SLCO3A1: variants seen among roughly 807,000 people sequenced by gnomAD.
The protein encoded by SLCO3A1 is PGE1 transporter.
In SLCO3A1, 27 loss-of-function variants were observed where a neutral mutation model predicts 63.1. The observed-to-expected ratio is 0.43, with a 90% confidence interval of 0.32 to 0.59. The LOEUF (loss-of-function observed/expected upper bound fraction) is 0.59. SLCO3A1 is among the 20% of genes least tolerant of loss of function. The pLI, the probability that SLCO3A1 is intolerant of heterozygous loss-of-function variation, is 0.09. For synonymous variants in SLCO3A1, 473 were observed against 409.9 expected (o/e 1.15, Z -1.86); for missense variants, 773 against 945.8 (o/e 0.82, Z 2.40).
intron 2 of SLCO3A1, among the ~76,000 whole-genome samples, chr15:91,955,885 T>G (rs1164444998): frequency 6.6e-6 from 1 of 152,192 alleles, no homozygotes; most frequent in East Asian, 1.9e-4. Flanking sequence ...GGCAGAGGTG[T>G]GAGTTCATAA....
chr15:92,163,431 G>A lies in SLCO3A1; in HGVS notation c.*296G>A. 9.4e-7 allele frequency: 1 copy of A among 1,067,754 alleles called. No individual in the cohort carries two copies. The highest frequency in any genetic ancestry group is 1.1e-6 in the Non-Finnish European group (1 of 884,394). 66.1% of individuals were successfully genotyped at this position (1,067,754 alleles called of 1,614,324 possible). A position where few individuals can be genotyped will look rare whatever the true frequency, so the allele number is the denominator to read the frequency against. On this transcript the variant is annotated 3_prime_UTR_variant, in exon 10 of 10. Coordinates refer to ENST00000318445, the MANE Select transcript of SLCO3A1 (RefSeq NM_013272.4). ...GTTTTCAGGATGCTGACAGCTGCAA[G>A]CAACAGGCACTGCCAAATTCAGGGA...
At chr15:91,959,940 C>T (rs1040492611) in intron 2 of SLCO3A1, among the ~76,000 whole-genome samples, 7 of 152,002 alleles carry the variant, frequency 4.6e-5, no homozygotes, top group Non-Finnish European at 8.8e-5. Context: ...ATTTGATTTG[C>T]CCATTCTTAA....
Position 92,135,039 on chromosome 15 carries a change from A to C in SLCO3A1, c.1512+6550A>C, listed in dbSNP as rs150109218. 9.6e-3 allele frequency among the ~76,000 whole-genome samples: 1,469 copies of C among 152,346 alleles called. 25 individuals carry two copies. The highest frequency in any genetic ancestry group is 0.033 in the African/African-American group (1,369 of 41,572). On this transcript the variant is annotated intron_variant, in intron 7 of 9. Coordinates refer to ENST00000318445, the MANE Select transcript of SLCO3A1 (RefSeq NM_013272.4). The stretch of plus-strand genomic sequence containing the variant: ...GAGACGTGGCAAGGGCCAGGCTTTC[A>C]TCATGAAGGGTAGTGGGTGTTTGGT...
At chr15:92,082,367 G>A (rs1363191454) in intron 2 of SLCO3A1, among the ~76,000 whole-genome samples, 2 of 152,182 alleles carry the variant, frequency 1.3e-5, no homozygotes, top group African/African-American at 2.4e-5. Flanking sequence ...AAGCCCTGAC[G>A]GAGGGTTTCA....
rs1241481735 is a variant in SLCO3A1, at chr15:92,069,207, G to A, written c.647-25674G>A. Among the ~76,000 whole-genome samples the A allele has an allele frequency of 2.6e-5, 4 of 151,704 alleles. No homozygotes were observed. The East Asian group carries it at 7.8e-4, about 30-fold the overall frequency. On this transcript the variant is annotated intron_variant, in intron 2 of 9. Transcript: ENST00000318445. The stretch of plus-strand genomic sequence containing the variant: ...GGTGCTACCAGGATCTAACAGGCAG[G>A]TGCCTGGGATGCTGCTGAACATCCT...
At chr15:91,880,166 C>CTATCTATCTATCT (rs1555446413) in intron 1 of SLCO3A1, among the ~76,000 whole-genome samples, 103 of 132,526 alleles carry the variant, frequency 7.8e-4, no homozygotes, top group Middle Eastern at 3.8e-3. Context: ...TCCATCCATC[C>CTATCTATCTATCT]ATCCATCTAT....
intron 2 of SLCO3A1, among the ~76,000 whole-genome samples, chr15:92,060,451 T>A (rs2047073153): frequency 6.6e-6 from 1 of 151,348 alleles, no homozygotes; most frequent in South Asian, 2.1e-4. Flanking sequence ...TCCCAGCTAC[T>A]CGGGAGGCTG....
chr15:91,922,196 G>GCGCACACACA (rs140542461), intron 2 of SLCO3A1, among the ~76,000 whole-genome samples: 6 of 151,438 alleles, frequency 4.0e-5, no homozygotes, highest in South Asian at 4.2e-4. Context: ...GCGCGTGCAC[G>GCGCACACACA]CACACACACA....
chr15:92,046,386 CGATGTGGCTG>C (rs1462194646), intron 2 of SLCO3A1, among the ~76,000 whole-genome samples: 1 of 151,716 alleles, frequency 6.6e-6, no homozygotes, highest in Non-Finnish European at 1.5e-5. Flanking sequence ...AATACCTGGG[CGATGTGGCTG>C]GCAGGCACCT....
chr15:91,868,071 G>A (rs1897208873), intron 1 of SLCO3A1, among the ~76,000 whole-genome samples: 1 of 151,860 alleles, frequency 6.6e-6, no homozygotes, highest in South Asian at 2.1e-4. Context: ...TTTTTTGAGG[G>A]GATGGAGTCT....
chr15:91,889,033 C>CAA lies in SLCO3A1; in HGVS notation c.181-26949_181-26948dup, dbSNP rs35188337. 1.8e-3 allele frequency: 895 copies of CAA among 509,216 alleles called. 6 individuals carry two copies. The highest frequency in any genetic ancestry group is 0.012 in the African/African-American group (524 of 44,018). The allele number at this position is 509,216 out of a possible 1,614,324, so 31.5% of individuals were successfully genotyped here. ...TAAAAAAAAAAAAGAAAAGAAAAACCAAAAAAAAAAAACCTACAATTATTA... is the reference window on the plus strand; with the variant it reads ...TAAAAAAAAAAAAGAAAAGAAAAACCAAAAAAAAAAAAAACCTACAATTATTA... On this transcript the variant is annotated intron_variant, in intron 1 of 9. Coordinates refer to ENST00000318445, the MANE Select transcript of SLCO3A1 (RefSeq NM_013272.4).
At chr15:92,108,788 C>T (rs1225617179) in intron 4 of SLCO3A1, among the ~76,000 whole-genome samples, 1 of 152,140 alleles carries the variant, frequency 6.6e-6, no homozygotes, top group Non-Finnish European at 1.5e-5. Flanking sequence ...CTTCAGTTCA[C>T]TTCTGGGCTG....
chr15:91,952,679 G>A (rs1900039364), intron 2 of SLCO3A1, among the ~76,000 whole-genome samples: 1 of 152,208 alleles, frequency 6.6e-6, no homozygotes, highest in Non-Finnish European at 1.5e-5. Flanking sequence ...TTCTGATGCA[G>A]TAAATATACT....
intron 9 of SLCO3A1, among the ~76,000 whole-genome samples, chr15:92,151,382 G>C (rs1463987668): frequency 3.3e-5 from 5 of 152,212 alleles, no homozygotes; most frequent in Admixed American, 1.3e-4. Context: ...AGCTGGGAGA[G>C]AGAGGCGTTC....
In SLCO3A1 at chr15:91,968,742, C is replaced by T. The variant is rs1228407345; in HGVS notation, c.646+52284C>T. 2.0e-5 allele frequency among the ~76,000 whole-genome samples: 3 copies of T among 152,222 alleles called. No individual in the cohort carries two copies. The highest frequency in any genetic ancestry group is 6.5e-5 in the Admixed American group (1 of 15,286). On this transcript the variant is annotated intron_variant, in intron 2 of 9. Transcript: ENST00000318445. This position sits in a 1 kb window ranked among gnomAD's most constrained non-coding sequence, Gnocchi z 4.2. The stretch of plus-strand genomic sequence containing the variant: ...TGTGCTCACACAGCCGCAGTATTTA[C>T]GGCACTCACGACGTGTCCAGCTTCT...
intron 3 of SLCO3A1, among the ~76,000 whole-genome samples, chr15:92,098,697 T>A (rs2047569126): frequency 7.9e-6 from 1 of 126,212 alleles, no homozygotes; most frequent in African/African-American, 3.0e-5. Context: ...GATCCTACTG[T>A]TAGGTGAGGC....
At chr15:92,094,529 G>A (rs548563558) in intron 2 of SLCO3A1, among the ~76,000 whole-genome samples, 3 of 152,188 alleles carry the variant, frequency 2.0e-5, no homozygotes, top group African/African-American at 7.2e-5. Flanking sequence ...GTAAGTAAAT[G>A]TAAAAGCAAA....
intron 3 of SLCO3A1, among the ~76,000 whole-genome samples, chr15:92,103,737 A>C (rs1223488659): frequency 3.3e-5 from 5 of 151,920 alleles, no homozygotes; most frequent in African/African-American, 1.2e-4. Context: ...GCCTAGGGTC[A>C]CACAGAGACA....
rs1278514141 is a variant in SLCO3A1, at chr15:91,885,582, G to T, written c.181-30411G>T. ...TTAGGGATGCTTAGAATTGGCCCTT[G>T]GTTGGTTTGTAGCATTTATACAATA... On this transcript the variant is annotated intron_variant, in intron 1 of 9. Coordinates refer to ENST00000318445, the MANE Select transcript of SLCO3A1 (RefSeq NM_013272.4). The surrounding 1 kb of genome is among the most constrained non-coding windows in gnomAD (Gnocchi z 4.7). Among the ~76,000 whole-genome samples the T allele has an allele frequency of 6.6e-6, 1 of 152,210 alleles. No homozygotes were observed. The highest frequency in any genetic ancestry group is 1.5e-5 in the Non-Finnish European group (1 of 68,034).
Sources: gnomAD v4.1 joint callset for allele counts (sites outside exome capture counted in the v4.1 genomes callset) on GRCh38, gnomAD v4.1.1 for gene constraint, Gnocchi (gnomAD v3.1) non-coding constraint, MANE v1.5 for transcripts, NCBI Gene and HGNC (gene_info 2026-07-23, HGNC 2026-07-21) for gene names.